Variants in RELN observed in about 807,000 individuals in gnomAD.
RELN encodes the protein reelin.
Under a neutral mutation model 427.6 loss-of-function variants are expected in RELN, and 108 were observed. The observed-to-expected ratio is 0.25, with a 90% confidence interval of 0.22 to 0.30. RELN has a LOEUF of 0.30. RELN is among the 10% of genes least tolerant of loss of function. The probability of loss-of-function intolerance (pLI) is 1.00; values close to 1 mark genes in which losing one functional copy is unlikely to be tolerated. For synonymous variants in RELN, 1,524 were observed against 1,513.4 expected (o/e 1.01, Z -0.16); for missense variants, 3,715 against 4,302.8 (o/e 0.86, Z 3.82).
In RELN at chr7:103,761,630, G is replaced by C. The variant is rs368840779; in HGVS notation, c.545-8416C>G. ...ACCAAGACCAGTAAATTTTTTTTTGGGGGGGGGTAGAGACAAGATCTTACC... is the reference window on the plus strand; with the variant it reads ...ACCAAGACCAGTAAATTTTTTTTTGCGGGGGGGTAGAGACAAGATCTTACC... On this transcript the variant is annotated intron_variant, in intron 4 of 64. Coordinates refer to ENST00000428762, the MANE Select transcript of RELN (RefSeq NM_005045.4). Among the ~76,000 whole-genome samples the C allele has an allele frequency of 4.1e-4, 61 of 150,236 alleles. No homozygotes were observed. In the South Asian group the frequency reaches 0.01, roughly 26 times the overall value.
intron 10 of RELN, among the ~76,000 whole-genome samples, chr7:103,684,119 G>A (rs951258956): frequency 1.4e-4 from 21 of 152,110 alleles, no homozygotes; most frequent in African/African-American, 4.8e-4. Flanking sequence ...CTATTTGAGA[G>A]CAACGGGTGT....
At chr7:103,877,059 T>C (rs142260496) in intron 2 of RELN, among the ~76,000 whole-genome samples, 65 of 152,188 alleles carry the variant, frequency 4.3e-4, no homozygotes, top group Non-Finnish European at 7.4e-4. Flanking sequence ...CCTCACCCAG[T>C]GTCTTCTATC....
At chr7:103,978,555 A>G (rs545499716) in intron 1 of RELN, among the ~76,000 whole-genome samples, 179 of 152,358 alleles carry the variant, frequency 1.2e-3, no homozygotes, top group African/African-American at 4.2e-3. Context: ...TGACTGGTCT[A>G]GATGGTACAG....
At chr7:103,604,550 TCA>T in intron 22 of RELN, 67 bp from the exon 23 acceptor site, 2 of 1,548,450 alleles carry the variant, frequency 1.3e-6, no homozygotes, top group Non-Finnish European at 1.8e-6. Flanking sequence ...GCAAAGAATG[TCA>T]GAGTCCAAAA....
chr7:103,481,114 G>C (rs1179057595), intron 63 of RELN, among the ~76,000 whole-genome samples: 1 of 152,192 alleles, frequency 6.6e-6, no homozygotes, highest in South Asian at 2.1e-4. Flanking sequence ...TCCAATATGT[G>C]AAGGGGTTGC....
At chr7:103,949,698 A>G (rs1239677643) in intron 1 of RELN, among the ~76,000 whole-genome samples, 2 of 152,222 alleles carry the variant, frequency 1.3e-5, no homozygotes, top group South Asian at 4.1e-4. Context: ...ATGTGAGGAA[A>G]AGAGATAATG....
chr7:103,705,898 G>C (rs1333431629), intron 8 of RELN, among the ~76,000 whole-genome samples: 3 of 152,116 alleles, frequency 2.0e-5, no homozygotes, highest in South Asian at 2.1e-4. Context: ...ACAGTTATTG[G>C]TGCATTCTAT....
intron 3 of RELN, among the ~76,000 whole-genome samples, chr7:103,794,333 G>T (rs711426): frequency 0.98 from 148,521 of 152,226 alleles, 72,575 homozygotes; most frequent in East Asian, 1. Flanking sequence ...GAGTAGGACA[G>T]ATTTCATGCT....
chr7:103,823,858 T>G (rs550134672), intron 3 of RELN, among the ~76,000 whole-genome samples: 4 of 148,558 alleles, frequency 2.7e-5, no homozygotes, highest in African/African-American at 1.0e-4. Flanking sequence ...ATGGGCCATG[T>G]GCGGTAAAAA....
At chr7:103,820,430 A>G (rs1379516354) in intron 3 of RELN, among the ~76,000 whole-genome samples, 1 of 152,086 alleles carries the variant, frequency 6.6e-6, no homozygotes, top group Non-Finnish European at 1.5e-5. Context: ...TTACTTTTCA[A>G]TAATCCTCCA....
At chr7:103,837,014 A>T (rs1201366223) in intron 2 of RELN, among the ~76,000 whole-genome samples, 1 of 151,886 alleles carries the variant, frequency 6.6e-6, no homozygotes, top group Non-Finnish European at 1.5e-5. Context: ...AATCCCCAAG[A>T]TTTAAAAAAT....
intron 3 of RELN, among the ~76,000 whole-genome samples, chr7:103,817,014 G>A (rs995340177): frequency 3.3e-5 from 5 of 151,922 alleles, no homozygotes; most frequent in East Asian, 1.9e-4. Context: ...ACCATGCCTC[G>A]CTGATTTTTG....
At chr7:103,932,619 C>T (rs148253412) in intron 1 of RELN, among the ~76,000 whole-genome samples, 1 of 152,310 alleles carries the variant, frequency 6.6e-6, no homozygotes, top group South Asian at 2.1e-4. Flanking sequence ...GTGGTGGAAG[C>T]AGCACCTATT....
intron 8 of RELN, among the ~76,000 whole-genome samples, chr7:103,706,200 A>T (rs1834196141): frequency 6.6e-6 from 1 of 151,636 alleles, no homozygotes. Flanking sequence ...TAGTAGGGAA[A>T]GAGAAGAATC....
intron 15 of RELN, among the ~76,000 whole-genome samples, chr7:103,651,356 T>G (rs1350368517): frequency 1.3e-5 from 2 of 152,078 alleles, no homozygotes. Context: ...ATTTTTTCTA[T>G]GCTGCATTTC....
At chr7:103,680,620 A>C (rs1313290047) in intron 11 of RELN, among the ~76,000 whole-genome samples, 2 of 152,094 alleles carry the variant, frequency 1.3e-5, no homozygotes, top group East Asian at 3.9e-4. Flanking sequence ...ACTCCACCAA[A>C]GCTCTTTGAT....
intron 2 of RELN, among the ~76,000 whole-genome samples, chr7:103,908,957 C>T (rs1436537977): frequency 1.3e-5 from 2 of 152,138 alleles, no homozygotes; most frequent in Non-Finnish European, 2.9e-5. Context: ...AACATCATGC[C>T]TTTGAATTCC....
At chr7:103,819,679 A>G (rs2116367373) in intron 3 of RELN, among the ~76,000 whole-genome samples, 1 of 152,240 alleles carries the variant, frequency 6.6e-6, no homozygotes, top group Non-Finnish European at 1.5e-5. Context: ...AGATCCATAG[A>G]ATGAAATATT....
rs35324403 is a variant in RELN, at chr7:103,485,229, CAAAAAAA to C, written c.9983+961_9983+967del. On this transcript the variant is annotated intron_variant, in intron 61 of 64. Coordinates refer to ENST00000428762, the MANE Select transcript of RELN (RefSeq NM_005045.4). The stretch of plus-strand genomic sequence containing the variant: ...GATTAAGTATATCTTTTTGGCAGGC[CAAAAAAA>C]AAAAAAAAAAAAAAAAAGGAAGATG... Among the ~76,000 whole-genome samples the C allele has an allele frequency of 3.3e-4, 32 of 96,492 alleles. No individual in the cohort carries two copies. The East Asian group carries it at 5.1e-3, about 15-fold the overall frequency. 63.3% of individuals were successfully genotyped at this position (96,492 alleles called of 152,430 possible). A position where few individuals can be genotyped will look rare whatever the true frequency, so the allele number is the denominator to read the frequency against.
Sources: gnomAD v4.1 joint callset for allele counts (sites outside exome capture counted in the v4.1 genomes callset) on GRCh38, gnomAD v4.1.1 for gene constraint, MANE v1.5 for transcripts, NCBI Gene and HGNC (gene_info 2026-07-23, HGNC 2026-07-21) for gene names.